Variants in CNTN3 observed in about 807,000 individuals in gnomAD.
The protein encoded by CNTN3 is contactin-3.
CNTN3 carries 60 observed loss-of-function variants against 119.1 expected under a neutral mutation model. That is an observed-to-expected ratio of 0.50 (90% confidence interval 0.41 to 0.62). The LOEUF is 0.62. Among genes scored for constraint, CNTN3 ranks in the 20% least tolerant of loss-of-function variants. The pLI is 0.00. For synonymous variants in CNTN3, 450 were observed against 438.7 expected, an observed-to-expected ratio of 1.03 and a Z score of -0.32; for missense variants, 1,101 against 1,242.4, an observed-to-expected ratio of 0.89 and a Z score of 1.71.
chr3:74,288,866 T>C (rs1702171766), intron 19 of CNTN3, among the ~76,000 whole-genome samples: 1 of 152,208 alleles, frequency 6.6e-6, no homozygotes, highest in Non-Finnish European at 1.5e-5. Context: ...AGAAAAGATC[T>C]GAGCCTGAGT....
intron 1 of CNTN3, among the ~76,000 whole-genome samples, chr3:74,584,099 T>C (rs1341394314): frequency 1.3e-5 from 2 of 152,210 alleles, no homozygotes; most frequent in African/African-American, 2.4e-5. Context: ...GCAAAGCTAA[T>C]ATTAACGAAA....
At chr3:74,469,757 A>C (rs1702526779) in intron 4 of CNTN3, among the ~76,000 whole-genome samples, 2 of 152,194 alleles carry the variant, frequency 1.3e-5, no homozygotes, top group African/African-American at 2.4e-5. Flanking sequence ...GTAGGAATGT[A>C]AATCGGTGCG....
chr3:74,271,004 C>A (rs1202497593), intron 20 of CNTN3, among the ~76,000 whole-genome samples: 1 of 152,104 alleles, frequency 6.6e-6, no homozygotes, highest in Non-Finnish European at 1.5e-5. Flanking sequence ...AACTTTCTCT[C>A]GAGAGGTTTT....
At chr3:74,324,803 A>T (rs914898659) in intron 13 of CNTN3, among the ~76,000 whole-genome samples, 1 of 152,154 alleles carries the variant, frequency 6.6e-6, no homozygotes, top group African/African-American at 2.4e-5. Flanking sequence ...GAAAAAAAAA[A>T]TTCTGAAAGA....
chr3:74,332,935 T>A (rs1703301960), intron 13 of CNTN3, among the ~76,000 whole-genome samples: 2 of 152,220 alleles, frequency 1.3e-5, no homozygotes, highest in Admixed American at 1.3e-4. Flanking sequence ...AAGAAGAAAT[T>A]GTTAACTTGT....
chr3:74,467,545 T>C (rs1026451330), intron 4 of CNTN3, among the ~76,000 whole-genome samples: 1 of 152,156 alleles, frequency 6.6e-6, no homozygotes, highest in African/African-American at 2.4e-5. Context: ...TTACAGAATA[T>C]TTTTAGCATC....
At chr3:74,449,213 C>T (rs1332961774) in intron 4 of CNTN3, among the ~76,000 whole-genome samples, 1 of 151,536 alleles carries the variant, frequency 6.6e-6, no homozygotes, top group South Asian at 2.1e-4. Context: ...TGCTCTGGGG[C>T]CATTTCATTG....
intron 1 of CNTN3, among the ~76,000 whole-genome samples, chr3:74,596,415 C>T (rs1704810859): frequency 6.6e-6 from 1 of 152,130 alleles, no homozygotes; most frequent in African/African-American, 2.4e-5. Flanking sequence ...CTGGAGGCCT[C>T]ACGCTACCTG....
At position 74,298,101 on chromosome 3, in the gene CNTN3, C is replaced by T; in HGVS notation, c.2257G>A (p.Val753Met). Residue 753 changes from valine (V) to methionine (M), a missense_variant, in exon 18 of 23, where the codon GTG becomes ATG. Transcript: ENST00000263665. ...TATCTTGGGGTGTCAGGGGATGTCA[C>T]CACTGTCTGGATCCAGGTGGTAACC... ...LGVTTWIQTV[V>M]TSPDTPRYVF... 6.2e-7 allele frequency: 1 copy of T among 1,613,904 alleles called. No individual in the cohort carries two copies. The highest frequency in any genetic ancestry group is 8.5e-7 in the Non-Finnish European group (1 of 1,179,878).
chr3:74,340,708 C>T (rs549758764), intron 11 of CNTN3, among the ~76,000 whole-genome samples: 1 of 152,118 alleles, frequency 6.6e-6, no homozygotes, highest in East Asian at 1.9e-4. Context: ...TTAATCTGCC[C>T]TAAATTATAG....
At chr3:74,603,221 C>A (rs898524459) in intron 1 of CNTN3, among the ~76,000 whole-genome samples, 4 of 152,158 alleles carry the variant, frequency 2.6e-5, no homozygotes, top group Admixed American at 1.3e-4. Context: ...GACCACTACT[C>A]AGAGGAAGCA....
chr3:74,435,494 G>T (rs1020805547), intron 4 of CNTN3, among the ~76,000 whole-genome samples: 3 of 152,080 alleles, frequency 2.0e-5, no homozygotes, highest in Non-Finnish European at 4.4e-5. Flanking sequence ...ATTTTGTAAT[G>T]CAGATTCAGC....
At chr3:74,452,798 G>C (rs372691964) in intron 4 of CNTN3, among the ~76,000 whole-genome samples, 3 of 151,750 alleles carry the variant, frequency 2.0e-5, no homozygotes, top group East Asian at 3.9e-4. Context: ...CTTTGGTTCT[G>C]TTTATATGCT....
intron 1 of CNTN3, among the ~76,000 whole-genome samples, chr3:74,549,962 G>C (rs1001679545): frequency 1.3e-5 from 2 of 152,194 alleles, no homozygotes; most frequent in Admixed American, 6.5e-5. Context: ...GTGCTGAGTA[G>C]AGAAAGATGC....
At chr3:74,391,654 C>T (rs1012535357) in intron 5 of CNTN3, among the ~76,000 whole-genome samples, 7 of 150,554 alleles carry the variant, frequency 4.6e-5, no homozygotes, top group African/African-American at 1.5e-4. Context: ...ATAACCTCCA[C>T]CCCCGGGGTT....
chr3:74,296,869 A>ATT (rs565642577), intron 18 of CNTN3, among the ~76,000 whole-genome samples: 13 of 142,672 alleles, frequency 9.1e-5, no homozygotes, highest in East Asian at 2.1e-4. Flanking sequence ...AGTTTCTGCC[A>ATT]TTTTTTTTTT....
At chr3:74,440,753 T>G (rs143648197) in intron 4 of CNTN3, among the ~76,000 whole-genome samples, 1 of 152,176 alleles carries the variant, frequency 6.6e-6, no homozygotes, top group South Asian at 2.1e-4. Context: ...GCTGCCCCTA[T>G]CAACCCGTCA....
At chr3:74,454,698 G>C (rs950166292) in intron 4 of CNTN3, among the ~76,000 whole-genome samples, 9 of 151,938 alleles carry the variant, frequency 5.9e-5, no homozygotes, top group African/African-American at 2.2e-4. Flanking sequence ...CTCTTTTAGG[G>C]CAGGCCTGGT....
chr3:74,611,658 T>C (rs1172652886), intron 1 of CNTN3, among the ~76,000 whole-genome samples: 1 of 152,204 alleles, frequency 6.6e-6, no homozygotes, highest in African/African-American at 2.4e-5. Context: ...GCAACAATGA[T>C]ATTCTCCATT....
Sources: allele counts gnomAD v4.1 joint callset (sites outside exome capture counted in the v4.1 genomes callset), GRCh38; gene constraint gnomAD v4.1.1; transcripts MANE v1.5; gene names NCBI Gene and HGNC (gene_info 2026-07-23, HGNC 2026-07-21).